The following PREX2 variants were observed in gnomAD, a reference collection of about 807,000 sequenced individuals.
The protein encoded by PREX2 is phosphatidylinositol 3,4,5-trisphosphate-dependent Rac exchanger 2 protein.
PREX2 carries 107 observed loss-of-function variants against 203.2 expected under a neutral mutation model. That is an observed-to-expected ratio of 0.53 (90% CI 0.45 to 0.62). The LOEUF is 0.62. Among genes scored for constraint, PREX2 ranks in the 20% least tolerant of loss-of-function variants. PREX2 has a pLI of 0.00. For synonymous variants in PREX2, 672 were observed against 663.6 expected, an observed-to-expected ratio of 1.01 and a Z score of -0.19; for missense variants, 1,777 against 1,955.9, an observed-to-expected ratio of 0.91 and a Z score of 1.72.
At position 68,077,379 on chromosome 8, in the gene PREX2, T is replaced by C; in HGVS notation, c.1570-18T>C. On this transcript the variant is annotated intron_variant, in intron 14 of 39. Transcript: ENST00000288368. The stretch of plus-strand genomic sequence containing the variant: ...TTTAGTTGCCTATTAACTCCCACAG[T>C]GCTTTTTTGGTTAACAGGGAGATTG... 1 of 1,604,662 alleles carries C rather than the reference T, an allele frequency of 6.2e-7. No individual in the cohort carries two copies. Among genetic ancestry groups the C allele is most frequent in the Non-Finnish European group, 8.5e-7 (1 of 1,171,388 alleles).
Position 68,109,469 on chromosome 8 carries a change from C to T in PREX2, c.2992C>T (p.Pro998Ser). The change falls in exon 25 of 40, where the codon CCT becomes TCT. Residue 998 changes from proline (P) to serine (S), a missense_variant. Coordinates refer to ENST00000288368, the MANE Select transcript of PREX2 (RefSeq NM_024870.4). ...IQHTITTMAAPSGLSLGQQDG... is the reference protein window; with the variant it reads ...IQHTITTMAASSGLSLGQQDG... ...GCACACCATCACAACCATGGCGGCC[C>T]CTTCAGGTCTGTCTCTGGGACAGCA... 1.9e-6 allele frequency: 3 copies of T among 1,614,040 alleles called. No homozygotes were observed. The highest frequency in any genetic ancestry group is 1.1e-5 in the South Asian group (1 of 91,076).
intron 1 of PREX2, among the ~76,000 whole-genome samples, chr8:67,992,244 A>G (rs991158863): frequency 2.0e-5 from 3 of 152,194 alleles, no homozygotes; most frequent in Non-Finnish European, 2.9e-5. Flanking sequence ...TTTTCTTGCT[A>G]TCTCTGTGGT....
chr8:68,075,494 C>A (rs12542119), intron 14 of PREX2, among the ~76,000 whole-genome samples: 1 of 152,178 alleles, frequency 6.6e-6, no homozygotes, highest in Admixed American at 6.5e-5. Context: ...CTCGCCAGAT[C>A]CTCTAGCCTA....
rs372058265 is a variant in PREX2, at chr8:68,080,853, C to T, written c.1878+15C>T. ...CTAATGCTGAGGTAATGTAAATTAG[C>T]GTTTTAATTTAAATTTGTTATCATG... On this transcript the variant is annotated intron_variant, in intron 17 of 39. Coordinates refer to ENST00000288368, the MANE Select transcript of PREX2 (RefSeq NM_024870.4). 430 of 1,289,466 alleles carry T rather than the reference C, an allele frequency of 3.3e-4. No individual in the cohort carries two copies. Among genetic ancestry groups the T allele is most frequent in the Middle Eastern group, 5.7e-4 (3 of 5,304 alleles). The allele number at this position is 1,289,466 out of a possible 1,614,324, so 79.9% of individuals were successfully genotyped here. A position where few individuals can be genotyped will look rare whatever the true frequency, so the allele number is the denominator to read the frequency against.
In PREX2 at chr8:68,081,343, T is replaced by C. The variant is rs928110117; in HGVS notation, c.1878+505T>C. Among the ~76,000 whole-genome samples the C allele has an allele frequency of 4.6e-5, 7 of 152,276 alleles. No individual in the cohort carries two copies. In the East Asian group the frequency reaches 1.4e-3, roughly 30 times the overall value. Reference sequence around the variant, plus strand: ...GCTCACTCGCCCGCCGCTCACCTCCTTTTGTGCGTCTGGTTCCTGTCAGGC... The same window carrying C: ...GCTCACTCGCCCGCCGCTCACCTCCCTTTGTGCGTCTGGTTCCTGTCAGGC... On this transcript the variant is annotated intron_variant, in intron 17 of 39. Coordinates refer to ENST00000288368, the MANE Select transcript of PREX2 (RefSeq NM_024870.4).
intron 18 of PREX2, among the ~76,000 whole-genome samples, chr8:68,087,157 A>G (rs1382995879): frequency 1.3e-5 from 2 of 152,192 alleles, no homozygotes; most frequent in African/African-American, 2.4e-5. Context: ...TAACAATGTT[A>G]TCTTTCTGTG....
chr8:68,220,377 T>A (rs1372111267), intron 38 of PREX2: 1 of 152,234 alleles, frequency 6.6e-6, no homozygotes, highest in Non-Finnish European at 1.5e-5. Flanking sequence ...ACATTATAAA[T>A]TTAAAGTTTT....
intron 29 of PREX2, 29 bp from the exon 30 acceptor site, chr8:68,120,892 C>G (rs1810758194): frequency 6.2e-7 from 1 of 1,603,258 alleles, no homozygotes; most frequent in Non-Finnish European, 8.5e-7. Context: ...TTATTTGAGA[C>G]TTAAGAGAGA....
intron 13 of PREX2, among the ~76,000 whole-genome samples, chr8:68,070,416 A>G (rs1563528855): frequency 6.6e-6 from 1 of 151,930 alleles, no homozygotes. Context: ...TTCCTTCTGA[A>G]GAGGCACACT....
chr8:68,038,100 A>T, intron 6 of PREX2, 59 bp from the exon 7 acceptor site: 8 of 1,545,812 alleles, frequency 5.2e-6, no homozygotes, highest in Non-Finnish European at 7.1e-6. Flanking sequence ...TCGAAAAATA[A>T]TTATTTACAG....
chr8:68,177,442 A>G (rs996062615), intron 35 of PREX2, among the ~76,000 whole-genome samples: 8 of 152,086 alleles, frequency 5.3e-5, no homozygotes, highest in African/African-American at 1.9e-4. Flanking sequence ...GCACATGCCT[A>G]TAGTCCCAAC....
chr8:68,199,817 G>A (rs1425353696), intron 37 of PREX2, among the ~76,000 whole-genome samples: 2 of 152,142 alleles, frequency 1.3e-5, no homozygotes, highest in African/African-American at 2.4e-5. Flanking sequence ...TGACAAATAG[G>A]CCCAGATTAG....
intron 26 of PREX2, among the ~76,000 whole-genome samples, chr8:68,117,130 A>G (rs1374379129): frequency 1.3e-5 from 2 of 152,272 alleles, no homozygotes; most frequent in East Asian, 3.8e-4. Flanking sequence ...ATCAGAGTAT[A>G]ACTAGCTACA....
At chr8:68,027,487 G>A (rs747493352) in intron 5 of PREX2, among the ~76,000 whole-genome samples, 164 bp downstream of exon 5, 4 of 151,938 alleles carry the variant, frequency 2.6e-5, no homozygotes, top group Non-Finnish European at 5.9e-5. Flanking sequence ...ATATAGTGTA[G>A]GAAACAGATG....
intron 32 of PREX2, among the ~76,000 whole-genome samples, chr8:68,135,871 T>C (rs1247817638): frequency 6.6e-6 from 1 of 152,206 alleles, no homozygotes; most frequent in Non-Finnish European, 1.5e-5. Context: ...GATGTGTCCA[T>C]ATAATGGAAT....
intron 9 of PREX2, 94 bp downstream of exon 9, chr8:68,053,340 T>C: frequency 7.5e-7 from 1 of 1,333,396 alleles, no homozygotes; most frequent in Non-Finnish European, 1.0e-6. Context: ...TGGAAAGGTA[T>C]ATGATGGTCA....
At chr8:68,037,455 G>A (rs1023978639) in intron 6 of PREX2, among the ~76,000 whole-genome samples, 6 of 152,148 alleles carry the variant, frequency 3.9e-5, no homozygotes, top group Admixed American at 6.6e-5. Context: ...AACTCAGGGG[G>A]CAGCTTTCCT....
At position 68,233,232 on chromosome 8, in the gene PREX2, A is replaced by G. The variant is rs62520603; in HGVS notation, c.*1854A>G. ...AGGATTTAACATTTGTAGGACTAAT[A>G]AAGGAACACAGCTGATTAGCTAGCA... On this transcript the variant is annotated 3_prime_UTR_variant, in exon 40 of 40. Coordinates refer to ENST00000288368, the MANE Select transcript of PREX2 (RefSeq NM_024870.4). The G allele has an allele frequency of 0.45, 68,809 of 151,702 alleles. 17,965 individuals carry two copies. The highest frequency in any genetic ancestry group is 0.86 in the East Asian group (4,391 of 5,126). 9.4% of individuals were successfully genotyped at this position (151,702 alleles called of 1,614,324 possible).
chr8:67,988,475 CAGGCATCCACCG>C (rs978207191), intron 1 of PREX2, among the ~76,000 whole-genome samples: 1 of 152,118 alleles, frequency 6.6e-6, no homozygotes, highest in African/African-American at 2.4e-5. Flanking sequence ...ACAGGGAAGC[CAGGCATCCACCG>C]AGGTCCTACA....
Sources: allele counts gnomAD v4.1 joint callset (sites outside exome capture counted in the v4.1 genomes callset), GRCh38; gene constraint gnomAD v4.1.1; transcripts MANE v1.5; gene names NCBI Gene and HGNC (gene_info 2026-07-23, HGNC 2026-07-21).